WDPCP: variants seen among roughly 807,000 people sequenced by gnomAD.
The protein encoded by WDPCP is WD repeat-containing and planar cell polarity effector protein fritz homolog.
In WDPCP, 71 loss-of-function variants were observed where a neutral mutation model predicts 93.1. The ratio of observed to expected loss-of-function variants is 0.76; its 90% CI spans 0.63 to 0.93. The LOEUF (loss-of-function observed/expected upper bound fraction) is 0.93. Among genes scored for constraint, WDPCP ranks in the 40% least tolerant of loss-of-function variants. The pLI is 0.00. For missense variants in WDPCP, 844 were observed against 887.4 expected, an observed-to-expected ratio of 0.95 and a Z score of 0.62; for synonymous variants, 315 against 315.0, an observed-to-expected ratio of 1.00 and a Z score of 0.00.
intron 12 of WDPCP, among the ~76,000 whole-genome samples, chr2:63,325,091 C>T (rs1392993132): frequency 2.0e-5 from 3 of 152,110 alleles, no homozygotes; most frequent in Non-Finnish European, 4.4e-5. Context: ...AACCTGGCAA[C>T]CTCGGGGTTC....
intron 2 of WDPCP, among the ~76,000 whole-genome samples, chr2:63,803,934 T>C (rs1670727919): frequency 6.6e-6 from 1 of 152,242 alleles, no homozygotes; most frequent in South Asian, 2.1e-4. Flanking sequence ...TTTCACATTG[T>C]TCTTTCAATT....
intron 3 of WDPCP, chr2:63,622,429 T>C (rs1268896287): frequency 3.3e-5 from 53 of 1,613,806 alleles, no homozygotes; most frequent in Non-Finnish European, 3.1e-5. Context: ...CCAAATAAGC[T>C]AGAGGAGACC....
intron 3 of WDPCP, chr2:63,597,651 A>G: frequency 2.4e-6 from 3 of 1,267,146 alleles, no homozygotes; most frequent in Non-Finnish European, 3.1e-6. Flanking sequence ...AAGCAAAACC[A>G]AAATTATTTG....
chr2:63,166,031 T>C (rs557117049), intron 15 of WDPCP, among the ~76,000 whole-genome samples: 2 of 151,996 alleles, frequency 1.3e-5, no homozygotes, highest in African/African-American at 4.8e-5. Context: ...GTTTGTTTTG[T>C]TTTTTGCTTT....
intron 14 of WDPCP, among the ~76,000 whole-genome samples, chr2:63,202,505 A>G (rs1278121867): frequency 1.3e-5 from 2 of 152,062 alleles, no homozygotes; most frequent in Non-Finnish European, 2.9e-5. Context: ...TAGATTTTCT[A>G]TTTCCTCCAT....
At chr2:63,464,257 G>T (rs1458981194) in intron 6 of WDPCP, among the ~76,000 whole-genome samples, 1 of 152,088 alleles carries the variant, frequency 6.6e-6, no homozygotes, top group African/African-American at 2.4e-5. Flanking sequence ...ACAAGCATAT[G>T]AAAAGATACT....
At chr2:63,380,214 C>T (rs1295954091) in intron 11 of WDPCP, among the ~76,000 whole-genome samples, 1 of 151,468 alleles carries the variant, frequency 6.6e-6, no homozygotes, top group Admixed American at 6.6e-5. Context: ...CTTTAGGGAC[C>T]CTGCTTTTTA....
At chr2:63,338,551 TAAAAAAA>T (rs373990599) in intron 12 of WDPCP, among the ~76,000 whole-genome samples, 98 of 24,960 alleles carry the variant, frequency 3.9e-3, no homozygotes, top group South Asian at 0.025. Context: ...AAACTCCATC[TAAAAAAA>T]AAAAAAAAAA....
intron 1 of WDPCP, among the ~76,000 whole-genome samples, chr2:63,825,859 T>C (rs1671105423): frequency 2.6e-5 from 4 of 152,106 alleles, no homozygotes; most frequent in Admixed American, 2.6e-4. Flanking sequence ...AAGAGCAATC[T>C]TACCAAATAT....
chr2:63,166,353 C>T (rs1025372755), intron 15 of WDPCP, among the ~76,000 whole-genome samples: 5 of 151,988 alleles, frequency 3.3e-5, no homozygotes, highest in Non-Finnish European at 7.4e-5. Context: ...GCATGAGCCA[C>T]CGTGCCTGGC....
chr2:63,148,075 G>A (rs1671648025), intron 17 of WDPCP, among the ~76,000 whole-genome samples: 1 of 152,002 alleles, frequency 6.6e-6, no homozygotes, highest in South Asian at 2.1e-4. Context: ...AGATGGTATG[G>A]AACTTCCTAG....
chr2:63,234,799 A>C (rs1407403434), intron 14 of WDPCP, among the ~76,000 whole-genome samples: 1 of 152,146 alleles, frequency 6.6e-6, no homozygotes, highest in Admixed American at 6.6e-5. Context: ...GTTTTTGTTG[A>C]GAAGAAATGC....
chr2:63,411,439 A>G (rs1256894007), intron 9 of WDPCP, among the ~76,000 whole-genome samples: 4 of 152,184 alleles, frequency 2.6e-5, no homozygotes, highest in Non-Finnish European at 5.9e-5. Context: ...CTGAAAGAGC[A>G]GAAACTGACA....
chr2:63,430,456 G>A (rs1466777762), intron 9 of WDPCP, among the ~76,000 whole-genome samples: 1 of 152,172 alleles, frequency 6.6e-6, no homozygotes, highest in South Asian at 2.1e-4. Context: ...TCTACATAGA[G>A]AACATTAAAA....
chr2:63,539,561 G>C (rs565797076), intron 1 of WDPCP, among the ~76,000 whole-genome samples: 1 of 152,098 alleles, frequency 6.6e-6, no homozygotes, highest in Non-Finnish European at 1.5e-5. Flanking sequence ...GTGTGGTGGC[G>C]CATGCCTGTA....
chr2:63,605,907 A>G, intron 3 of WDPCP: 1 of 1,555,614 alleles, frequency 6.4e-7, no homozygotes, highest in Non-Finnish European at 8.9e-7. Context: ...TAAACTAATC[A>G]TCATGAGTAT....
intron 13 of WDPCP, among the ~76,000 whole-genome samples, chr2:63,265,627 A>G (rs2104816313): frequency 6.6e-6 from 1 of 152,318 alleles, no homozygotes; most frequent in East Asian, 1.9e-4. Context: ...AGCCCTTCCA[A>G]CAAACTGAAG....
chr2:63,312,760 C>T (rs907940019), intron 13 of WDPCP, among the ~76,000 whole-genome samples: 6 of 152,014 alleles, frequency 3.9e-5, no homozygotes, highest in Admixed American at 1.3e-4. Flanking sequence ...TGAATTTAAC[C>T]TCTTGGATCC....
At chr2:63,682,022 C>A (rs576863499) in intron 2 of WDPCP, among the ~76,000 whole-genome samples, 7 of 152,212 alleles carry the variant, frequency 4.6e-5, no homozygotes, top group African/African-American at 1.7e-4. Flanking sequence ...TAGATCACAA[C>A]ATTCAAGTCC....
Sources: allele counts gnomAD v4.1 joint callset (sites outside exome capture counted in the v4.1 genomes callset), GRCh38; gene constraint gnomAD v4.1.1; transcripts MANE v1.5; gene names NCBI Gene and HGNC (gene_info 2026-07-23, HGNC 2026-07-21).